The following FAM193B variants were observed in gnomAD, a reference collection of about 807,000 sequenced individuals.
FAM193B encodes the protein family with sequence similarity 193 member B.
In FAM193B, 27 loss-of-function variants were observed where a neutral mutation model predicts 70.7. That is an observed-to-expected ratio of 0.38 (90% CI 0.28 to 0.53). The LOEUF is 0.53. FAM193B is among the 20% of genes least tolerant of loss of function. The probability of loss-of-function intolerance (pLI) is 0.81; values close to 1 mark genes in which losing one functional copy is unlikely to be tolerated. For synonymous variants in FAM193B, 448 were observed against 436.0 expected (o/e 1.03, Z -0.34); for missense variants, 1,022 against 1,072.5 (o/e 0.95, Z 0.66).
At chr5:177,553,513 T>C (rs1766578390) in intron 1 of FAM193B, 1 of 1,138,520 alleles carries the variant, frequency 8.8e-7, no homozygotes. Context: ...TTATCTCCTT[T>C]GCTCAAAAGA....
At chr5:177,533,004 G>C (rs1023902111) in intron 4 of FAM193B, among the ~76,000 whole-genome samples, 1 of 152,180 alleles carries the variant, frequency 6.6e-6, no homozygotes, top group African/African-American at 2.4e-5. Context: ...ACGCCTCAAG[G>C]GCAGGGGCTG....
intron 7 of FAM193B, chr5:177,522,996 T>C (rs887621057): frequency 6.1e-6 from 1 of 163,530 alleles, no homozygotes; most frequent in Non-Finnish European, 1.4e-5. Flanking sequence ...AGTGCTGAAA[T>C]TACAGGCATG....
At chr5:177,521,731 G>C (rs936116850) in intron 8 of FAM193B, among the ~76,000 whole-genome samples, 1 of 152,248 alleles carries the variant, frequency 6.6e-6, no homozygotes, top group Non-Finnish European at 1.5e-5. Flanking sequence ...AGCATGGGCA[G>C]CAGGGCCCAG....
At position 177,538,882 on chromosome 5, in the gene FAM193B, G is replaced by A; in HGVS notation, c.453+23C>T. On this transcript the variant is annotated intron_variant, in intron 2 of 8. Coordinates refer to ENST00000514747, the MANE Select transcript of FAM193B (RefSeq NM_001190946.3). The surrounding 1 kb of genome is among the most constrained non-coding windows in gnomAD (Gnocchi z 4.1). ...GGGGAGGAGCCCTCCTGCATTCAGG[G>A]ACCCCTGTCAGCGGTTACCTACCGC... 1.2e-5 allele frequency: 19 copies of A among 1,611,796 alleles called. No individual in the cohort carries two copies. The highest frequency in any genetic ancestry group is 1.5e-5 in the Non-Finnish European group (18 of 1,178,278).
chr5:177,521,835 G>A (rs1581825503), intron 8 of FAM193B, 139 bp downstream of exon 8: 1 of 661,202 alleles, frequency 1.5e-6, no homozygotes, highest in East Asian at 2.7e-5. Flanking sequence ...TTGCTGTGAA[G>A]ATGCAGACAG....
At chr5:177,523,530 C>T (rs756288968) in intron 7 of FAM193B, among the ~76,000 whole-genome samples, 41 of 152,236 alleles carry the variant, frequency 2.7e-4, no homozygotes, top group Non-Finnish European at 7.3e-5. Flanking sequence ...ACCACCTCTC[C>T]TGGGAAGGCC....
At chr5:177,553,416 C>A in intron 1 of FAM193B, 1 of 1,049,590 alleles carries the variant, frequency 9.5e-7, no homozygotes, top group Non-Finnish European at 1.2e-6. Context: ...GGGAGAGCCA[C>A]CCAGCCCCGA....
intron 1 of FAM193B, 179 bp downstream of exon 1, chr5:177,554,070 G>A (rs1470979079): frequency 2.9e-6 from 4 of 1,370,762 alleles, no homozygotes; most frequent in South Asian, 1.5e-5. Flanking sequence ...CTCGGCTTTG[G>A]GGAGAGGGGT....
At position 177,523,845 on chromosome 5, in the gene FAM193B, G is replaced by A. The variant is rs903864536; in HGVS notation, c.2372+112C>T. The A allele has an allele frequency of 6.5e-6, 8 of 1,235,918 alleles. No homozygotes were observed. In the East Asian group the frequency reaches 7.3e-5, roughly 11 times the overall value. 76.6% of individuals were successfully genotyped at this position (1,235,918 alleles called of 1,614,324 possible). A position where few individuals can be genotyped will look rare whatever the true frequency, so the allele number is the denominator to read the frequency against. On this transcript the variant is annotated intron_variant, in intron 7 of 8. Transcript: ENST00000514747. ...GGGGGGGCGGTGAGCCTCCCCAAGG[G>A]GTCAGGGCCAAGGGAGCAGGCCTTT...
intron 5 of FAM193B, among the ~76,000 whole-genome samples, chr5:177,528,026 T>C (rs1762880015): frequency 6.6e-6 from 1 of 152,098 alleles, no homozygotes; most frequent in African/African-American, 2.4e-5. Context: ...CCCAGGGAGA[T>C]GTCCCCATGA....
Position 177,524,177 on chromosome 5 carries a change from G to A in FAM193B, c.2296+8C>T, listed in dbSNP as rs1762215896. ...GGGGGTCAGCCGCTCAGTTCCTGGT[G>A]CACTCACCCAAGGAGGAGGCTGGCT... On this transcript the variant is annotated splice_region_variant and intron_variant, in intron 6 of 8. Coordinates refer to ENST00000514747, the MANE Select transcript of FAM193B (RefSeq NM_001190946.3). 1.3e-6 allele frequency: 2 copies of A among 1,572,320 alleles called. No homozygotes were observed. Among genetic ancestry groups the A allele is most frequent in the Non-Finnish European group, 1.7e-6 (2 of 1,158,228 alleles).
At chr5:177,531,871 C>A (rs1029578630) in intron 5 of FAM193B, 14 of 1,184,956 alleles carry the variant, frequency 1.2e-5, no homozygotes, top group Non-Finnish European at 1.5e-5. Flanking sequence ...ACCCCTAGCT[C>A]AAAGGTGACT....
intron 5 of FAM193B, among the ~76,000 whole-genome samples, chr5:177,530,373 A>G (rs1396135858): frequency 1.3e-5 from 2 of 152,094 alleles, no homozygotes; most frequent in Admixed American, 1.3e-4. Flanking sequence ...GCTCAGTGAA[A>G]GGCACCACCA....
chr5:177,554,494 GCCGCCGCCGCCGCCGCCGCCGCCGCCGC>G lies in FAM193B; in HGVS notation c.-64_-37del, dbSNP rs1188359952. 8.2e-5 allele frequency: 58 copies of G among 703,646 alleles called. 2 individuals carry two copies. The highest frequency in any genetic ancestry group is 1.8e-4 in the Admixed American group (2 of 11,140). The allele number at this position is 703,646 out of a possible 1,614,324, so 43.6% of individuals were successfully genotyped here. A position where few individuals can be genotyped will look rare whatever the true frequency, so the allele number is the denominator to read the frequency against. ...GCGCCGCTCCCTCGCTCCACACGCC[GCCGCCGCCGCCGCCGCCGCCGCCGCCGC>G]CGCCGCCGCTACCGCTCCCCTCACA... On this transcript the variant is annotated 5_prime_UTR_variant, in exon 1 of 9. Coordinates refer to ENST00000514747, the MANE Select transcript of FAM193B (RefSeq NM_001190946.3).
intron 1 of FAM193B, among the ~76,000 whole-genome samples, chr5:177,541,369 C>T (rs1011637181): frequency 7.9e-5 from 12 of 151,980 alleles, no homozygotes; most frequent in African/African-American, 2.2e-4. Flanking sequence ...ATGCTAGGTT[C>T]GAAAGTCAGT....
intron 5 of FAM193B, among the ~76,000 whole-genome samples, chr5:177,530,952 T>G (rs1763354587): frequency 6.6e-6 from 1 of 152,252 alleles, no homozygotes; most frequent in Non-Finnish European, 1.5e-5. Flanking sequence ...GGACAGCTTC[T>G]TCTGGGTGAG....
chr5:177,531,537 A>AGGGGGGGGGGGGGGGGGGGGGGGGC, intron 5 of FAM193B: 1 of 919,474 alleles, frequency 1.1e-6, no homozygotes, highest in Non-Finnish European at 1.5e-6. Flanking sequence ...GGTGGGGGGG[A>AGGGGGGGGGGGGGGGGGGGGGGGGC]GGTGCTGACA....
At chr5:177,540,878 A>G (rs990318636) in intron 1 of FAM193B, among the ~76,000 whole-genome samples, 2 of 152,184 alleles carry the variant, frequency 1.3e-5, no homozygotes, top group Non-Finnish European at 2.9e-5. Flanking sequence ...CATCCTACCA[A>G]TAAGATAATG....
Position 177,524,379 on chromosome 5 carries a change from C to G in FAM193B, c.2102G>C (p.Gly701Ala). 1 of 1,573,772 alleles carries G rather than the reference C, an allele frequency of 6.4e-7. No homozygotes were observed. Among genetic ancestry groups the G allele is most frequent in the East Asian group, 2.3e-5 (1 of 43,734 alleles). ...EGSRGSRPGP[G>A]WAGSPKTEKE... ...CTCAGTTTTGGGACTGCCAGCCCAA[C>G]CTGGTCCTGGCCGGCTCCCCCGGCT... The change falls in exon 6 of 9, where the codon GGT becomes GCT. Residue 701 changes from glycine to alanine, a missense_variant. By Grantham distance (60) the Gly-to-Ala change is moderately conservative. Coordinates refer to ENST00000514747, the MANE Select transcript of FAM193B (RefSeq NM_001190946.3).
Sources: allele counts gnomAD v4.1 joint callset (sites outside exome capture counted in the v4.1 genomes callset), GRCh38; gene constraint gnomAD v4.1.1; non-coding constraint Gnocchi (gnomAD v3.1); transcripts MANE v1.5; gene names NCBI Gene and HGNC (gene_info 2026-07-23, HGNC 2026-07-21).